Variants in RAB37 observed in about 807,000 individuals in gnomAD.
RAB37 encodes the protein ras-related protein Rab-37.
RAB37 carries 29 observed loss-of-function variants against 33.1 expected under a neutral mutation model. The observed-to-expected ratio is 0.88, with a 90% CI of 0.65 to 1.20. RAB37 has a LOEUF of 1.20. RAB37 is among the 50% of genes most tolerant of loss of function. RAB37 has a pLI of 0.00. For missense variants in RAB37, 299 were observed against 301.1 expected (o/e 0.99, Z 0.05); for synonymous variants, 128 against 119.5 (o/e 1.07, Z -0.47).
At chr17:74,701,757 T>C (rs1056920868) in intron 1 of RAB37, among the ~76,000 whole-genome samples, 2 of 149,954 alleles carry the variant, frequency 1.3e-5, no homozygotes, top group Non-Finnish European at 3.0e-5. Context: ...AGCTGAGGTA[T>C]GAGAATCACA....
At position 74,677,628 on chromosome 17, in the gene RAB37, T is replaced by C. The variant is rs560750506; in HGVS notation, c.72+5970T>C. Reference sequence around the variant, plus strand: ...TTTCCACTGGCTTGTTTTCCTCTCTTGCTTGCTCTGAAGGCTTACAGATAA... The same window carrying C: ...TTTCCACTGGCTTGTTTTCCTCTCTCGCTTGCTCTGAAGGCTTACAGATAA... On this transcript the variant is annotated intron_variant, in intron 1 of 7. Transcript: ENST00000340415. 9 of 152,336 alleles carry C rather than the reference T, an allele frequency of 5.9e-5. No homozygotes were observed. In the East Asian group the frequency reaches 1.7e-3, roughly 29 times the overall value. The allele number at this position is 152,336 out of a possible 1,614,324, so 9.4% of individuals were successfully genotyped here.
chr17:74,701,409 A>T (rs2033038450), intron 1 of RAB37, among the ~76,000 whole-genome samples: 1 of 152,240 alleles, frequency 6.6e-6, no homozygotes, highest in African/African-American at 2.4e-5. Context: ...AAACCATCTC[A>T]TGCTAATCAA....
chr17:74,710,392 T>C lies in RAB37; in HGVS notation c.73-18864T>C, dbSNP rs192773169. On this transcript the variant is annotated intron_variant, in intron 1 of 7. Coordinates refer to the RAB37 transcript ENST00000340415. ...AATGAAAAAGTATTTTAATTCATAATTGAATTTAATAGAGTGGCTAAATAA... is the reference window on the plus strand; with the variant it reads ...AATGAAAAAGTATTTTAATTCATAACTGAATTTAATAGAGTGGCTAAATAA... Among the ~76,000 whole-genome samples, 647 of 152,358 alleles carry C rather than the reference T, an allele frequency of 4.2e-3. 8 individuals carry two copies. Among genetic ancestry groups the C allele is most frequent in the South Asian group, 0.021 (100 of 4,834 alleles).
At chr17:74,743,730 G>A (rs1007539985) in intron 5 of RAB37, among the ~76,000 whole-genome samples, 8 of 152,184 alleles carry the variant, frequency 5.3e-5, no homozygotes, top group Non-Finnish European at 5.9e-5. Flanking sequence ...GACAGAGTGA[G>A]TGGTTGTATC....
intron 1 of RAB37, among the ~76,000 whole-genome samples, chr17:74,721,246 C>T (rs540572036): frequency 6.4e-4 from 97 of 152,320 alleles, no homozygotes; most frequent in Non-Finnish European, 1.2e-3. Flanking sequence ...ACCTCGCCCT[C>T]TTTTACCCAG....
chr17:74,683,311 AGG>A (rs1214805159), intron 1 of RAB37, among the ~76,000 whole-genome samples: 1 of 152,218 alleles, frequency 6.6e-6, no homozygotes, highest in African/African-American at 2.4e-5. Context: ...TGATTGGAGC[AGG>A]GAATGAGGAT....
At chr17:74,711,916 T>C (rs1295949377) in intron 1 of RAB37, among the ~76,000 whole-genome samples, 1 of 149,172 alleles carries the variant, frequency 6.7e-6, no homozygotes, top group African/African-American at 2.5e-5. Context: ...CTTTTTTTTT[T>C]TTTTTTGAAA....
At chr17:74,712,598 C>A (rs1157506829) in intron 1 of RAB37, among the ~76,000 whole-genome samples, 1 of 152,226 alleles carries the variant, frequency 6.6e-6, no homozygotes, top group Non-Finnish European at 1.5e-5. Context: ...ACATGATCAG[C>A]CCCTGGGGGT....
intron 1 of RAB37, among the ~76,000 whole-genome samples, chr17:74,702,748 A>C (rs529309358): frequency 6.6e-6 from 1 of 152,292 alleles, no homozygotes; most frequent in East Asian, 1.9e-4. Flanking sequence ...GTGTCCCCAG[A>C]GCTCAGCACG....
In RAB37 at chr17:74,694,953, C is replaced by T. The variant is rs950800418; in HGVS notation, c.72+23295C>T. 6 of 940,326 alleles carry T rather than the reference C, an allele frequency of 6.4e-6. No homozygotes were observed. The East Asian group carries it at 1.0e-4, about 16-fold the overall frequency. The allele number at this position is 940,326 out of a possible 1,614,324, so 58.2% of individuals were successfully genotyped here. Reference sequence around the variant, plus strand: ...CCCTGAGACTTGGCCCCAAGCCCAACCCAGAGCTAGGGGCAATGCTGGCTG... The same window carrying T: ...CCCTGAGACTTGGCCCCAAGCCCAATCCAGAGCTAGGGGCAATGCTGGCTG... On this transcript the variant is annotated intron_variant, in intron 1 of 7. Coordinates refer to the RAB37 transcript ENST00000340415.
chr17:74,700,542 A>G (rs2032953715), intron 1 of RAB37, among the ~76,000 whole-genome samples: 1 of 152,110 alleles, frequency 6.6e-6, no homozygotes, highest in African/African-American at 2.4e-5. Context: ...GGAGTTCGAG[A>G]CCAGCCTGGC....
upstream of RAB37, among the ~76,000 whole-genome samples, chr17:74,736,398 C>G (rs2034475346): frequency 6.6e-6 from 1 of 152,206 alleles, no homozygotes; most frequent in Non-Finnish European, 1.5e-5. Flanking sequence ...ACCGGCAACC[C>G]CAGCTGCACT....
chr17:74,713,049 GTA>G, intron 1 of RAB37: 1 of 606,404 alleles, frequency 1.6e-6, no homozygotes, highest in South Asian at 2.0e-5. Context: ...GCTCAGGCCT[GTA>G]ATCCTGGCAC....
intron 2 of RAB37, among the ~76,000 whole-genome samples, chr17:74,731,252 C>A (rs1246752789): frequency 6.6e-6 from 1 of 152,258 alleles, no homozygotes; most frequent in African/African-American, 2.4e-5. Context: ...TGGATAAGGG[C>A]CCTGCCGCTG....
At chr17:74,708,033 A>G (rs1434233516) in intron 1 of RAB37, among the ~76,000 whole-genome samples, 2 of 151,938 alleles carry the variant, frequency 1.3e-5, no homozygotes, top group Admixed American at 6.6e-5. Context: ...CTGTAGCCCC[A>G]GCCACTTGGG....
At chr17:74,701,847 CAAAA>C (rs11321122) in intron 1 of RAB37, among the ~76,000 whole-genome samples, 1 of 86,686 alleles carries the variant, frequency 1.2e-5, no homozygotes, top group African/African-American at 3.8e-5. Context: ...GAGAATCCGT[CAAAA>C]AAAAAAAAAA....
rs201422817 is a variant in RAB37 at position 74,744,285 on chromosome 17, G to C, written c.367-23G>C. The C allele has an allele frequency of 6.2e-7, 1 of 1,607,802 alleles. No individual in the cohort carries two copies. The highest frequency in any genetic ancestry group is 8.5e-7 in the Non-Finnish European group (1 of 1,176,212). ...GGGCAGCAGGAGGAAGAGAATGCCA[G>C]TCTCGCACGCCCTCTCCCACAGGCC... is the stretch of plus-strand genomic sequence containing the variant. On this transcript the variant is annotated intron_variant, in intron 5 of 8. Coordinates refer to ENST00000392613, the MANE Select transcript of RAB37 (RefSeq NM_001006638.3). The surrounding 1 kb of genome is among the most constrained non-coding windows in gnomAD (Gnocchi z 4.2).
intron 1 of RAB37, among the ~76,000 whole-genome samples, chr17:74,716,115 C>T (rs2034162124): frequency 6.6e-6 from 1 of 152,166 alleles, no homozygotes; most frequent in African/African-American, 2.4e-5. Flanking sequence ...ACAGGGGAAT[C>T]GGCTCTTCTG....
upstream of RAB37, among the ~76,000 whole-genome samples, chr17:74,733,897 A>G (rs1003051693): frequency 3.3e-5 from 5 of 152,098 alleles, no homozygotes; most frequent in Non-Finnish European, 7.4e-5. Context: ...CACATACCAC[A>G]GACCCAGCAG....
Sources: allele counts gnomAD v4.1 joint callset (sites outside exome capture counted in the v4.1 genomes callset), GRCh38; gene constraint gnomAD v4.1.1; non-coding constraint Gnocchi (gnomAD v3.1); transcripts MANE v1.5; gene names NCBI Gene and HGNC (gene_info 2026-07-23, HGNC 2026-07-21).